ESCO2: variants seen among roughly 807,000 people sequenced by gnomAD.
ESCO2 encodes establishment of sister chromatid cohesion N-acetyltransferase 2.
A neutral mutation model predicts 61.7 loss-of-function variants in ESCO2; 51 were observed. That is an observed-to-expected ratio of 0.83 (90% CI 0.66 to 1.04). ESCO2 has a LOEUF of 1.04. Among genes scored for constraint, ESCO2 ranks in the 50% least tolerant of loss-of-function variants. The pLI, the probability that ESCO2 is intolerant of heterozygous loss-of-function variation, is 0.00. For missense variants in ESCO2, 692 were observed against 686.2 expected, an observed-to-expected ratio of 1.01 and a Z score of -0.09; for synonymous variants, 230 against 238.2, an observed-to-expected ratio of 0.97 and a Z score of 0.32.
At chr8:27,815,211 A>G (rs753200830), downstream of ESCO2, among the ~76,000 whole-genome samples, 23 of 152,282 alleles carry the variant, frequency 1.5e-4, no homozygotes, top group Non-Finnish European at 2.8e-4. Flanking sequence ...TAAAAGAAGG[A>G]AAAGTGAGAA....
downstream of ESCO2, chr8:27,810,277 G>T: frequency 6.7e-7 from 1 of 1,485,696 alleles, no homozygotes; most frequent in Non-Finnish European, 9.3e-7. Context: ...AGTTATTTAC[G>T]CAAGCCACAC....
chr8:27,784,191 T>C (rs1585396683), intron 5 of ESCO2, 134 bp downstream of exon 5: 1 of 255,762 alleles, frequency 3.9e-6, no homozygotes, highest in East Asian at 1.9e-4. Context: ...GAGAATAATA[T>C]TGAGAATAGG....
downstream of ESCO2, chr8:27,808,249 C>A (rs759919835): frequency 8.1e-7 from 1 of 1,235,532 alleles, no homozygotes; most frequent in East Asian, 5.8e-5. Context: ...TTCAACATTT[C>A]TCAAGTAGCT....
At chr8:27,813,016 T>C (rs1323457369), downstream of ESCO2, among the ~76,000 whole-genome samples, 1 of 152,200 alleles carries the variant, frequency 6.6e-6, no homozygotes, top group Non-Finnish European at 1.5e-5. Context: ...AAGACACATG[T>C]ACACGTTTAT....
At position 27,803,965 on chromosome 8, in the gene ESCO2, T is replaced by G; in HGVS notation, c.*527T>G. On this transcript the variant is annotated 3_prime_UTR_variant, in exon 11 of 11. Coordinates refer to ENST00000305188, the MANE Select transcript of ESCO2 (RefSeq NM_001017420.3). ...TGTGTTGCCCAGGCTGGTCTGAAAC[T>G]TTTGGGCTCAAGCGATCCTCCCAAA... 3.0e-6 allele frequency: 3 copies of G among 987,914 alleles called. No individual in the cohort carries two copies. Among genetic ancestry groups the G allele is most frequent in the Non-Finnish European group, 3.6e-6 (3 of 831,930 alleles). 61.2% of individuals were successfully genotyped at this position (987,914 alleles called of 1,614,324 possible).
intron 4 of ESCO2, among the ~76,000 whole-genome samples, chr8:27,782,209 T>TA (rs34012784): frequency 0.11 from 16,167 of 152,194 alleles, 970 homozygotes; most frequent in East Asian, 0.25. Context: ...AGTAAACATG[T>TA]AAAACAGTTT....
chr8:27,777,150 A>C lies in ESCO2; in HGVS notation c.842A>C (p.Asn281Thr). Residue 281 changes from asparagine to threonine, a missense_variant, in exon 3 of 11, where the codon AAT becomes ACT. Asn to Thr is a moderately conservative substitution (Grantham distance 65, BLOSUM62 0). Transcript: ENST00000305188. ...KIGLLSASSK[N>T]KEKLIKDSSD... Reference sequence around the variant, plus strand: ...GGACTACTGAGTGCAAGCAGTAAAAATAAAGAGAAATTAATAAAGGTAAAG... The same window carrying C: ...GGACTACTGAGTGCAAGCAGTAAAACTAAAGAGAAATTAATAAAGGTAAAG... 1 of 1,599,986 alleles carries C rather than the reference A, an allele frequency of 6.3e-7. No homozygotes were observed. The highest frequency in any genetic ancestry group is 2.2e-5 in the East Asian group (1 of 44,848).
In ESCO2 at chr8:27,802,607, C is replaced by CAA. The variant is rs1188348304; in HGVS notation, c.1674-676_1674-675dup. Among the ~76,000 whole-genome samples, 180 of 29,150 alleles carry CAA rather than the reference C, an allele frequency of 6.2e-3. 7 individuals carry two copies. Among genetic ancestry groups the CAA allele is most frequent in the Non-Finnish European group, 9.8e-3 (113 of 11,512 alleles). The allele number at this position is 29,150 out of a possible 152,430, so 19.1% of individuals were successfully genotyped here. A position where few individuals can be genotyped will look rare whatever the true frequency, so the allele number is the denominator to read the frequency against. The stretch of plus-strand genomic sequence containing the variant: ...TGGGCGACAAAGTGAGACTCTGTCT[C>CAA]AAAAAAAAAAAAAAAAAAAAAAAAT... On this transcript the variant is annotated intron_variant, in intron 10 of 10. Transcript: ENST00000305188.
intron 3 of ESCO2, 127 bp from the exon 4 acceptor site, chr8:27,780,047 C>G: frequency 1.5e-6 from 1 of 672,428 alleles, no homozygotes; most frequent in South Asian, 1.8e-5. Flanking sequence ...GATTGAAAAT[C>G]ACATTATGAA....
intron 9 of ESCO2, among the ~76,000 whole-genome samples, chr8:27,793,583 T>C (rs906268914): frequency 4.0e-5 from 6 of 151,600 alleles, no homozygotes; most frequent in Non-Finnish European, 4.4e-5. Context: ...ACCTCCTGGG[T>C]TCAGGCAATT....
chr8:27,815,717 T>A (rs1304888260), downstream of ESCO2, among the ~76,000 whole-genome samples: 1 of 152,190 alleles, frequency 6.6e-6, no homozygotes, highest in Admixed American at 6.5e-5. Flanking sequence ...ACGGCTCCAA[T>A]TTGAGACTCG....
intron 5 of ESCO2, among the ~76,000 whole-genome samples, chr8:27,787,291 T>G (rs1805066880): frequency 6.6e-6 from 1 of 152,118 alleles, no homozygotes; most frequent in South Asian, 2.1e-4. Context: ...AGGTAAAGGT[T>G]GTCTCAACTA....
At chr8:27,772,676 A>C, upstream of ESCO2, 1 of 797,376 alleles carries the variant, frequency 1.3e-6, no homozygotes, top group South Asian at 1.8e-5. Context: ...GGGGCGCGTC[A>C]TAACGCCGGC....
At chr8:27,780,931 ATATT>A (rs1390810196) in intron 4 of ESCO2, among the ~76,000 whole-genome samples, 2 of 152,198 alleles carry the variant, frequency 1.3e-5, no homozygotes, top group South Asian at 2.1e-4. Flanking sequence ...GCAGTGCTAA[ATATT>A]TAGTATACGT....
intron 5 of ESCO2, 112 bp downstream of exon 5, chr8:27,784,169 T>C (rs1804986277): frequency 4.5e-6 from 4 of 891,912 alleles, no homozygotes; most frequent in South Asian, 2.9e-5. Flanking sequence ...TCTTCCTCAC[T>C]AAGGGGAATA....
At chr8:27,799,785 G>A in intron 10 of ESCO2, 69 bp downstream of exon 10, 3 of 1,556,430 alleles carry the variant, frequency 1.9e-6, no homozygotes, top group Non-Finnish European at 2.7e-6. Context: ...CTCGGCTTCT[G>A]AGCTAAAGGG....
In ESCO2 at chr8:27,803,546, T is replaced by TCACACACA; in HGVS notation, c.*110_*111insCACACACA. On this transcript the variant is annotated 3_prime_UTR_variant, in exon 11 of 11. Coordinates refer to ENST00000305188, the MANE Select transcript of ESCO2 (RefSeq NM_001017420.3). ...AAATAAAAAATACCGAGACTCACAC[T>TCACACACA]CATACACACACACACACACACGCAC... The TCACACACA allele has an allele frequency of 3.6e-6, 4 of 1,124,662 alleles. No individual in the cohort carries two copies. The highest frequency in any genetic ancestry group is 2.8e-5 in the South Asian group (2 of 71,812). 69.7% of individuals were successfully genotyped at this position (1,124,662 alleles called of 1,614,324 possible).
chr8:27,815,117 G>A (rs1052867118), downstream of ESCO2, among the ~76,000 whole-genome samples: 1 of 152,126 alleles, frequency 6.6e-6, no homozygotes, highest in African/African-American at 2.4e-5. Context: ...CTCCAGAACT[G>A]AAGGAAAGTT....
In ESCO2 at chr8:27,776,382, ATC is replaced by A. The variant is rs768055962; in HGVS notation, c.76_77del (p.Leu26ValfsTer5). ...TATAGCCTTTTACACTTCACTGAAA[ATC>A]TGTTTCCATCACCTAATAAAAAGCA... On this transcript the variant is annotated frameshift_variant, in exon 3 of 11. Transcript: ENST00000305188. LOFTEE classifies it high-confidence loss of function. 11 of 1,606,594 alleles carry A rather than the reference ATC, an allele frequency of 6.8e-6. No individual in the cohort carries two copies. Among genetic ancestry groups the A allele is most frequent in the East Asian group, 2.2e-5 (1 of 44,838 alleles).
Sources: allele counts gnomAD v4.1 joint callset (sites outside exome capture counted in the v4.1 genomes callset), GRCh38; gene constraint gnomAD v4.1.1; transcripts MANE v1.5; gene names NCBI Gene and HGNC (gene_info 2026-07-23, HGNC 2026-07-21).